COPS4: variants seen among roughly 807,000 people sequenced by gnomAD.
COPS4 encodes COP9 signalosome complex subunit 4.
COPS4 carries 8 observed loss-of-function variants against 55.1 expected under a neutral mutation model. That is an observed-to-expected ratio of 0.15 (90% CI 0.09 to 0.26). The LOEUF (loss-of-function observed/expected upper bound fraction) is 0.26. COPS4 is among the 10% of genes least tolerant of loss of function. The probability of loss-of-function intolerance (pLI) is 1.00; values close to 1 mark genes in which losing one functional copy is unlikely to be tolerated. For missense variants in COPS4, 248 were observed against 484.0 expected (o/e 0.51, Z 4.58); for synonymous variants, 185 against 165.7 (o/e 1.12, Z -0.90).
rs115937829 is a variant in COPS4, at chr4:83,047,036, A to G, written c.154+1331A>G. On this transcript the variant is annotated intron_variant, in intron 2 of 9. Transcript: ENST00000264389. Reference sequence around the variant, plus strand: ...CACATCCTGTATTACCCAATAATGAATTCCAATTAATATGTGATTAATTAA... The same window carrying G: ...CACATCCTGTATTACCCAATAATGAGTTCCAATTAATATGTGATTAATTAA... Among the ~76,000 whole-genome samples the G allele has an allele frequency of 6.4e-3, 981 of 152,340 alleles. 11 individuals carry two copies. Among genetic ancestry groups the G allele is most frequent in the African/African-American group, 0.022 (929 of 41,572 alleles).
At chr4:83,056,691 T>G (rs187513306) in intron 4 of COPS4, among the ~76,000 whole-genome samples, 2,235 of 152,046 alleles carry the variant, frequency 0.015, 28 homozygotes, top group Middle Eastern at 0.031. Context: ...CCCAGCTACT[T>G]GGGAGGCTGA....
chr4:83,066,585 A>AG, intron 8 of COPS4, 32 bp downstream of exon 8: 1 of 1,032,282 alleles, frequency 9.7e-7, no homozygotes, highest in Non-Finnish European at 1.5e-6. Flanking sequence ...ATTTAAAAAA[A>AG]AGTTAAGAGA....
intron 2 of COPS4, among the ~76,000 whole-genome samples, chr4:83,048,641 TAATG>T (rs1395088232): frequency 6.6e-6 from 1 of 152,080 alleles, no homozygotes; most frequent in Non-Finnish European, 1.5e-5. Flanking sequence ...TTTAATTAAT[TAATG>T]AATTAATTAA....
At chr4:83,048,106 G>A (rs1049457220) in intron 2 of COPS4, among the ~76,000 whole-genome samples, 6 of 152,108 alleles carry the variant, frequency 3.9e-5, no homozygotes, top group Non-Finnish European at 7.4e-5. Context: ...AACATTTGTT[G>A]AGTGCTATGT....
At chr4:83,069,193 T>C (rs1314679816) in intron 9 of COPS4, among the ~76,000 whole-genome samples, 1 of 152,182 alleles carries the variant, frequency 6.6e-6, no homozygotes, top group Non-Finnish European at 1.5e-5. Flanking sequence ...CCCTTGACTT[T>C]TTCATTGTCT....
At chr4:83,075,081 C>G (rs1731539729) in intron 9 of COPS4, among the ~76,000 whole-genome samples, 1 of 152,032 alleles carries the variant, frequency 6.6e-6, no homozygotes, top group Non-Finnish European at 1.5e-5. Context: ...CCTGCCACTG[C>G]AGTCTAGCCT....
chr4:83,036,459 C>G (rs889941096), intron 1 of COPS4, among the ~76,000 whole-genome samples: 2 of 152,144 alleles, frequency 1.3e-5, no homozygotes, highest in Non-Finnish European at 2.9e-5. Flanking sequence ...CAAACGTAAT[C>G]TACTTTTATC....
At chr4:83,070,526 T>A (rs9307815) in intron 9 of COPS4, among the ~76,000 whole-genome samples, 39,555 of 152,084 alleles carry the variant, frequency 0.26, 5,170 homozygotes, top group East Asian at 0.34. Flanking sequence ...ATACTCCTTA[T>A]CCTTGGGCTC....
intron 9 of COPS4, among the ~76,000 whole-genome samples, chr4:83,074,110 CT>C (rs1402477045): frequency 1.3e-5 from 2 of 152,038 alleles, no homozygotes; most frequent in African/African-American, 2.4e-5. Context: ...TTCAAGATGA[CT>C]TTTTTTGAGG....
chr4:83,048,913 G>A (rs1165896036), intron 2 of COPS4, among the ~76,000 whole-genome samples: 1 of 152,130 alleles, frequency 6.6e-6, no homozygotes, highest in Admixed American at 6.6e-5. Flanking sequence ...CCAAAGTGCT[G>A]AGATTACAGG....
At position 83,046,588 on chromosome 4, in the gene COPS4, A is replaced by G. The variant is rs1409847199; in HGVS notation, c.154+883A>G. 2.0e-5 allele frequency among the ~76,000 whole-genome samples: 3 copies of G among 152,210 alleles called. No homozygotes were observed. The East Asian group carries it at 5.8e-4, about 29-fold the overall frequency. ...AATATGTGCCACATATACACCATAA[A>G]ATACTACGCACACATTAAAAAGAAT... On this transcript the variant is annotated intron_variant, in intron 2 of 9. Coordinates refer to ENST00000264389, the MANE Select transcript of COPS4 (RefSeq NM_016129.3).
At chr4:83,057,535 TAAATGTAG>T (rs35569250) in intron 6 of COPS4, 127 bp downstream of exon 6, 11,791 of 659,360 alleles carry the variant, frequency 0.018, 157 homozygotes, top group Non-Finnish European at 0.02. Flanking sequence ...ACAGTTATGG[TAAATGTAG>T]TTTAAGTGTT....
At chr4:83,058,688 T>G (rs1357960685) in intron 6 of COPS4, among the ~76,000 whole-genome samples, 1 of 152,228 alleles carries the variant, frequency 6.6e-6, no homozygotes, top group Non-Finnish European at 1.5e-5. Flanking sequence ...ACCTTTTTAT[T>G]GTAACTGTAT....
At chr4:83,069,739 C>T (rs1251670992) in intron 9 of COPS4, among the ~76,000 whole-genome samples, 1 of 151,862 alleles carries the variant, frequency 6.6e-6, no homozygotes. Context: ...ACTTCTTTAT[C>T]AGATGTAGAA....
intron 8 of COPS4, among the ~76,000 whole-genome samples, chr4:83,066,891 C>A (rs576209743): frequency 1.3e-5 from 2 of 152,218 alleles, no homozygotes; most frequent in Admixed American, 1.3e-4. Flanking sequence ...TTAAATCCAA[C>A]AAAGTACCAA....
chr4:83,044,962 G>A (rs991084897), intron 1 of COPS4, among the ~76,000 whole-genome samples: 26 of 152,334 alleles, frequency 1.7e-4, no homozygotes, highest in African/African-American at 4.8e-5. Flanking sequence ...AGCTTGTGTG[G>A]TCACAGATAT....
chr4:83,045,179 A>G lies in COPS4; in HGVS notation c.75-447A>G, dbSNP rs578257771. Among the ~76,000 whole-genome samples, 3 of 152,346 alleles carry G rather than the reference A, an allele frequency of 2.0e-5. No individual in the cohort carries two copies. The East Asian group carries it at 5.8e-4, about 29-fold the overall frequency. Reference sequence around the variant, plus strand: ...TACATACATTACGTCTGTAAGAGGAAAAGATTCAGGTCACCTCAAATAATG... The same window carrying G: ...TACATACATTACGTCTGTAAGAGGAGAAGATTCAGGTCACCTCAAATAATG... On this transcript the variant is annotated intron_variant, in intron 1 of 9. Transcript: ENST00000264389.
At chr4:83,068,607 T>C in intron 9 of COPS4, 85 bp downstream of exon 9, 1 of 817,922 alleles carries the variant, frequency 1.2e-6, no homozygotes, top group Non-Finnish European at 2.0e-6. Flanking sequence ...CAGTTTCCTT[T>C]GACTCAGAAT....
At chr4:83,040,126 C>T (rs545100932) in intron 1 of COPS4, among the ~76,000 whole-genome samples, 11 of 152,252 alleles carry the variant, frequency 7.2e-5, no homozygotes, top group African/African-American at 2.4e-4. Context: ...TTTAATCTGC[C>T]GTTAAGTACT....
Sources: allele counts gnomAD v4.1 joint callset (sites outside exome capture counted in the v4.1 genomes callset), GRCh38; gene constraint gnomAD v4.1.1; transcripts MANE v1.5; gene names NCBI Gene and HGNC (gene_info 2026-07-23, HGNC 2026-07-21).